Variants in ARMC2 observed in about 807,000 individuals in gnomAD.
The protein encoded by ARMC2 is armadillo repeat-containing protein 2.
In ARMC2, 67 loss-of-function variants were observed where a neutral mutation model predicts 90.3. The observed-to-expected ratio is 0.74, with a 90% confidence interval of 0.61 to 0.91. The LOEUF (loss-of-function observed/expected upper bound fraction) is 0.91. Ranked by LOEUF, ARMC2 falls within the 40% of genes least tolerant of loss-of-function variation. The pLI, the probability that ARMC2 is intolerant of heterozygous loss-of-function variation, is 0.00. For synonymous variants in ARMC2, 393 were observed against 393.0 expected, an observed-to-expected ratio of 1.00 and a Z score of 0.00; for missense variants, 920 against 1,030.9, an observed-to-expected ratio of 0.89 and a Z score of 1.47.
intron 7 of ARMC2, among the ~76,000 whole-genome samples, chr6:108,902,557 TAA>T (rs1339503482): frequency 6.6e-6 from 1 of 152,224 alleles, no homozygotes; most frequent in Non-Finnish European, 1.5e-5. Context: ...AAAGTTAGGC[TAA>T]GTCATTTCCC....
At chr6:109,024,442 T>G in the ARMC2 span, among the ~76,000 whole-genome samples, 1 of 152,168 alleles carries the variant, frequency 6.6e-6, no homozygotes, top group Non-Finnish European at 1.5e-5. Flanking sequence ...AATGGTCCTA[T>G]AAGCCTTAAA....
At chr6:108,922,431 C>T (rs560256061) in intron 10 of ARMC2, among the ~76,000 whole-genome samples, 3 of 152,196 alleles carry the variant, frequency 2.0e-5, no homozygotes, top group African/African-American at 7.2e-5. Context: ...AGCCACTGGG[C>T]CCAGCCCCAT....
At chr6:108,967,313 GCTAT>G (rs111570296) in intron 17 of ARMC2, among the ~76,000 whole-genome samples, 7 of 152,304 alleles carry the variant, frequency 4.6e-5, no homozygotes, top group African/African-American at 1.4e-4. Context: ...CGGGTGACAG[GCTAT>G]CTGTGGTTTC....
chr6:108,900,721 G>A (rs1772050923), intron 7 of ARMC2, among the ~76,000 whole-genome samples: 1 of 152,144 alleles, frequency 6.6e-6, no homozygotes, highest in African/African-American at 2.4e-5. Flanking sequence ...GCCCTGGACG[G>A]GGTTCTGGTC....
chr6:108,883,084 A>G (rs1175301916), intron 5 of ARMC2, among the ~76,000 whole-genome samples: 1 of 152,234 alleles, frequency 6.6e-6, no homozygotes, highest in African/African-American at 2.4e-5. Context: ...AATGGAAGAA[A>G]GTTTCATATG....
chr6:108,933,702 G>A (rs1775755372), intron 11 of ARMC2, among the ~76,000 whole-genome samples: 1 of 152,120 alleles, frequency 6.6e-6, no homozygotes, highest in Non-Finnish European at 1.5e-5. Flanking sequence ...CCAATACTAT[G>A]CTGCATAGGA....
the ARMC2 span, among the ~76,000 whole-genome samples, chr6:109,026,150 A>C: frequency 3.9e-5 from 6 of 152,206 alleles, no homozygotes; most frequent in African/African-American, 1.2e-4. Flanking sequence ...CAAAATATTG[A>C]GAGAAAATAT....
At chr6:109,020,200 T>A in the ARMC2 span, among the ~76,000 whole-genome samples, 7 of 152,304 alleles carry the variant, frequency 4.6e-5, no homozygotes, top group East Asian at 1.2e-3. Flanking sequence ...CTTTTTTTTA[T>A]GTATTGTCAC....
At chr6:108,979,360 C>T (rs942825418), downstream of ARMC2, among the ~76,000 whole-genome samples, 19 of 152,298 alleles carry the variant, frequency 1.2e-4, no homozygotes, top group Admixed American at 2.6e-4. Flanking sequence ...CCGAGAGATC[C>T]GCTGTTAGTC....
the ARMC2 span, among the ~76,000 whole-genome samples, chr6:108,998,326 A>T: frequency 2.6e-5 from 4 of 152,190 alleles, no homozygotes; most frequent in African/African-American, 9.6e-5. Flanking sequence ...AAAATGTTGT[A>T]TATCACCTAG....
chr6:108,940,171 C>G (rs1055308122), intron 12 of ARMC2, among the ~76,000 whole-genome samples: 2 of 152,274 alleles, frequency 1.3e-5, no homozygotes, highest in Admixed American at 6.5e-5. Context: ...GAGGCTGAGG[C>G]AGGAGAATCG....
At chr6:109,039,265 C>T in the ARMC2 span, among the ~76,000 whole-genome samples, 10 of 152,174 alleles carry the variant, frequency 6.6e-5, no homozygotes, top group African/African-American at 2.4e-4. Flanking sequence ...ATTTTGCCTA[C>T]TTCACAAATT....
chr6:108,911,890 T>A (rs1485409370), intron 9 of ARMC2, among the ~76,000 whole-genome samples: 1 of 152,186 alleles, frequency 6.6e-6, no homozygotes, highest in African/African-American at 2.4e-5. Context: ...TCAAGTTATC[T>A]TTCTAGGGTG....
chr6:108,964,081 T>C, intron 15 of ARMC2, 99 bp from the exon 16 acceptor site: 1 of 1,364,000 alleles, frequency 7.3e-7, no homozygotes, highest in Middle Eastern at 2.6e-4. Context: ...GGTTCTGGGT[T>C]TGCAAGCCAC....
chr6:108,887,163 A>C lies in ARMC2; in HGVS notation c.672-7304A>C, dbSNP rs191893260. On this transcript the variant is annotated intron_variant, in intron 5 of 17. Transcript: ENST00000392644. ...CTGACCTCAAGTGATCTGCCTTCCT[A>C]AGCCTCCCAAAGTGCTGTGGTTACA... Among the ~76,000 whole-genome samples, 638 of 152,170 alleles carry C rather than the reference A, an allele frequency of 4.2e-3. 3 individuals are homozygous for C. The highest frequency in any genetic ancestry group is 0.014 in the African/African-American group (598 of 41,528).
chr6:109,003,758 T>C, the ARMC2 span, among the ~76,000 whole-genome samples: 1 of 152,206 alleles, frequency 6.6e-6, no homozygotes, highest in African/African-American at 2.4e-5. Flanking sequence ...TGTTATTCAA[T>C]ATATAATTTT....
chr6:108,856,471 G>T, intron 2 of ARMC2: 1 of 214,410 alleles, frequency 4.7e-6, no homozygotes, highest in South Asian at 8.1e-5. Context: ...GTTTTACAGA[G>T]ACCTACCCAT....
chr6:108,938,357 A>T (rs13195240), intron 12 of ARMC2, among the ~76,000 whole-genome samples: 57,301 of 150,986 alleles, frequency 0.38, 11,380 homozygotes, highest in East Asian at 0.6. Flanking sequence ...TGTCAGATTT[A>T]ACCCCAGCTT....
chr6:109,046,997 G>T, the ARMC2 span, among the ~76,000 whole-genome samples: 1 of 77,954 alleles, frequency 1.3e-5, no homozygotes, highest in Non-Finnish European at 2.6e-5. Context: ...GAGGTGGGGG[G>T]GGTCAGCCCC....
Sources: gnomAD v4.1 joint callset for allele counts (sites outside exome capture counted in the v4.1 genomes callset) on GRCh38, gnomAD v4.1.1 for gene constraint, MANE v1.5 for transcripts, NCBI Gene and HGNC (gene_info 2026-07-23, HGNC 2026-07-21) for gene names.